Variants in DNAI1 observed in about 807,000 individuals in gnomAD.
The protein encoded by DNAI1 is dynein, axonemal, intermediate polypeptide 1.
In DNAI1, 67 loss-of-function variants were observed where a neutral mutation model predicts 92.0. That is an observed-to-expected ratio of 0.73 (90% confidence interval 0.60 to 0.89). DNAI1 has a LOEUF of 0.89. Ranked by LOEUF, DNAI1 falls within the 40% of genes least tolerant of loss-of-function variation. The pLI, the probability that DNAI1 is intolerant of heterozygous loss-of-function variation, is 0.00. For missense variants in DNAI1, 839 were observed against 866.6 expected (o/e 0.97, Z 0.40); for synonymous variants, 323 against 319.6 (o/e 1.01, Z -0.11).
chr9:34,477,198 A>C (rs1340416553), intron 1 of DNAI1, among the ~76,000 whole-genome samples: 1 of 152,016 alleles, frequency 6.6e-6, no homozygotes, highest in African/African-American at 2.4e-5. Flanking sequence ...AAAAATTTTT[A>C]TGTGGAGATG....
intron 13 of DNAI1, among the ~76,000 whole-genome samples, chr9:34,511,105 CGGG>C (rs1281518611): frequency 6.6e-6 from 1 of 152,144 alleles, no homozygotes; most frequent in African/African-American, 2.4e-5. Flanking sequence ...CTGCTAGTGA[CGGG>C]GAGGGGACAG....
intron 1 of DNAI1, among the ~76,000 whole-genome samples, chr9:34,480,976 TAC>T (rs1349780037): frequency 2.7e-5 from 4 of 149,492 alleles, no homozygotes; most frequent in Non-Finnish European, 5.9e-5. Flanking sequence ...CGTGGTGGCT[TAC>T]GCCTGTAATC....
At chr9:34,466,886 A>G (rs1448009453) in intron 1 of DNAI1, among the ~76,000 whole-genome samples, 1 of 151,978 alleles carries the variant, frequency 6.6e-6, no homozygotes, top group Non-Finnish European at 1.5e-5. Flanking sequence ...TGACCTCTCT[A>G]CCTCACAAAC....
chr9:34,495,023 G>A (rs941214011), intron 9 of DNAI1, among the ~76,000 whole-genome samples: 44 of 152,218 alleles, frequency 2.9e-4, no homozygotes, highest in African/African-American at 1.0e-3. Context: ...AAATGTGCTG[G>A]AGGGGAGAAA....
chr9:34,485,878 T>C (rs1474989434), intron 4 of DNAI1, among the ~76,000 whole-genome samples: 2 of 152,182 alleles, frequency 1.3e-5, no homozygotes, highest in African/African-American at 4.8e-5. Context: ...GCCATCTGGA[T>C]GGAGTACAAT....
intron 12 of DNAI1, among the ~76,000 whole-genome samples, chr9:34,504,969 A>AG (rs1824896395): frequency 6.6e-6 from 1 of 152,096 alleles, no homozygotes; most frequent in South Asian, 2.1e-4. Flanking sequence ...TGACTTCTAG[A>AG]GGGACGGCTT....
chr9:34,500,038 A>G (rs1270760587), intron 10 of DNAI1, among the ~76,000 whole-genome samples: 3 of 152,186 alleles, frequency 2.0e-5, no homozygotes, highest in Non-Finnish European at 2.9e-5. Flanking sequence ...GGCAGGGGCT[A>G]TGGGTTTGGA....
rs1212129432 is a variant in DNAI1, at chr9:34,520,206, C to T, written c.2002-452C>T. On this transcript the variant is annotated intron_variant, in intron 19 of 19. Coordinates refer to ENST00000242317, the MANE Select transcript of DNAI1 (RefSeq NM_012144.4). ...GAGAGGACTAGGTGAGGTCCGGGCC[C>T]CTGAGGCTCTGTCCACAGCCCCTCC... Among the ~76,000 whole-genome samples, 4 of 152,162 alleles carry T rather than the reference C, an allele frequency of 2.6e-5. No individual in the cohort carries two copies. In the East Asian group the frequency reaches 7.7e-4, roughly 29 times the overall value.
intron 1 of DNAI1, among the ~76,000 whole-genome samples, chr9:34,464,062 C>T (rs1823994851): frequency 6.6e-6 from 1 of 152,114 alleles, no homozygotes; most frequent in Admixed American, 6.5e-5. Flanking sequence ...ACTCCCTTAC[C>T]TCTTAAATAT....
intron 1 of DNAI1, chr9:34,479,040 A>C (rs1824289061): frequency 6.6e-6 from 1 of 152,286 alleles, no homozygotes; most frequent in South Asian, 2.1e-4. Context: ...CTAGTTGGGT[A>C]GGGTTTTGTT....
intron 7 of DNAI1, 144 bp from the exon 8 acceptor site, chr9:34,491,351 C>T: frequency 1.3e-6 from 1 of 797,264 alleles, no homozygotes; most frequent in Non-Finnish European, 2.2e-6. Flanking sequence ...CAGTTATTCA[C>T]CCAAGCCCCT....
rs1489371114 is a variant in DNAI1, at chr9:34,473,489, G to A, written c.49-9959G>A. Among the ~76,000 whole-genome samples, 4 of 151,832 alleles carry A rather than the reference G, an allele frequency of 2.6e-5. No individual in the cohort carries two copies. In the East Asian group the frequency reaches 7.7e-4, roughly 29 times the overall value. ...GTATTTTTAGTAGAGACAGGGTTTC[G>A]CCCTGTTGGCCAGGCTGATTTCGAG... On this transcript the variant is annotated intron_variant, in intron 1 of 19. Transcript: ENST00000242317.
chr9:34,497,293 A>T, intron 10 of DNAI1, 94 bp downstream of exon 10: 1 of 942,574 alleles, frequency 1.1e-6, no homozygotes, highest in East Asian at 2.4e-5. Flanking sequence ...GCTAGCTCCT[A>T]TAGGTGCAAG....
chr9:34,489,291 T>A, intron 4 of DNAI1, 32 bp from the exon 5 acceptor site: 1 of 1,613,336 alleles, frequency 6.2e-7, no homozygotes, highest in South Asian at 1.1e-5. Context: ...CTTTTAGGGA[T>A]CCCTGGTCTG....
intron 12 of DNAI1, among the ~76,000 whole-genome samples, chr9:34,503,150 C>T (rs906882977): frequency 2.6e-5 from 4 of 152,136 alleles, no homozygotes; most frequent in Non-Finnish European, 5.9e-5. Flanking sequence ...GGTTGTTGGC[C>T]GGCTTTCAGA....
intron 4 of DNAI1, among the ~76,000 whole-genome samples, chr9:34,486,527 A>T (rs1307955837): frequency 6.6e-6 from 1 of 152,186 alleles, no homozygotes; most frequent in East Asian, 1.9e-4. Flanking sequence ...AGATTCAAAA[A>T]AAATGAAAAC....
chr9:34,476,385 T>C (rs917993976), intron 1 of DNAI1, among the ~76,000 whole-genome samples: 5 of 152,218 alleles, frequency 3.3e-5, no homozygotes, highest in Admixed American at 2.0e-4. Flanking sequence ...CCAGACTTCT[T>C]TGGGACTTCC....
Position 34,520,866 on chromosome 9 carries a change from G to A in DNAI1, c.*110G>A. On this transcript the variant is annotated 3_prime_UTR_variant, in exon 20 of 20. Coordinates refer to ENST00000242317, the MANE Select transcript of DNAI1 (RefSeq NM_012144.4). ...AGCATGTGACCCCACTCCTGATCAG[G>A]TCCCAGCATCTTCCCTTCTTGTTCT... 1 of 1,047,286 alleles carries A rather than the reference G, an allele frequency of 9.5e-7. No individual in the cohort carries two copies. Among genetic ancestry groups the A allele is most frequent in the Non-Finnish European group, 1.4e-6 (1 of 690,144 alleles). The allele number at this position is 1,047,286 out of a possible 1,614,324, so 64.9% of individuals were successfully genotyped here.
chr9:34,465,862 T>C (rs1314509015), intron 1 of DNAI1, among the ~76,000 whole-genome samples: 1 of 152,266 alleles, frequency 6.6e-6, no homozygotes, highest in Non-Finnish European at 1.5e-5. Context: ...GACAGAGTTG[T>C]ATGCAAGAAG....
Sources: gnomAD v4.1 joint callset for allele counts (sites outside exome capture counted in the v4.1 genomes callset) on GRCh38, gnomAD v4.1.1 for gene constraint, MANE v1.5 for transcripts, NCBI Gene and HGNC (gene_info 2026-07-23, HGNC 2026-07-21) for gene names.